The following ZNF233 variants were observed in gnomAD, a reference collection of about 807,000 sequenced individuals.
ZNF233 encodes the protein zinc finger protein 233.
A neutral mutation model predicts 11.6 loss-of-function variants in ZNF233; 7 were observed. The ratio of observed to expected loss-of-function variants is 0.60; its 90% CI spans 0.34 to 1.13. ZNF233 has a LOEUF of 1.13. ZNF233 is among the 50% of genes most tolerant of loss of function. The probability of loss-of-function intolerance (pLI) is 0.03; values close to 1 mark genes in which losing one functional copy is unlikely to be tolerated. For missense variants in ZNF233, 711 were observed against 785.5 expected (o/e 0.91, Z 1.13); for synonymous variants, 226 against 268.5 (o/e 0.84, Z 1.55).
At chr19:44,264,628 TCCA>T (rs1975018747) in intron 2 of ZNF233, among the ~76,000 whole-genome samples, 1 of 152,224 alleles carries the variant, frequency 6.6e-6, no homozygotes, top group African/African-American at 2.4e-5. Flanking sequence ...GGAGAAAACC[TCCA>T]CATTACTACA....
Position 44,274,542 on chromosome 19 carries a change from A to T in ZNF233, c.1882A>T (p.Ser628Cys), listed in dbSNP as rs781609934. Residue 628 changes from serine (S) to cysteine (C), a missense_variant, in exon 5 of 5, where the codon AGC becomes TGC. Coordinates refer to ENST00000683810, the MANE Select transcript of ZNF233 (RefSeq NM_001207005.2). ...KPYKCGMCGK[S>C]FSQTSHLQAH... is the part of the protein sequence containing the mutation. ...CTATAAATGTGGCATGTGTGGTAAG[A>T]GCTTCAGTCAGACTTCACATCTTCA... 3.1e-6 allele frequency: 5 copies of T among 1,610,158 alleles called. No individual in the cohort carries two copies. The highest frequency in any genetic ancestry group is 4.2e-6 in the Non-Finnish European group (5 of 1,178,858).
chr19:44,273,128 C>T lies in ZNF233; in HGVS notation c.468C>T (p.Asn156=), dbSNP rs780015765. 1 of 1,613,982 alleles carries T rather than the reference C, an allele frequency of 6.2e-7. No individual in the cohort carries two copies. The highest frequency in any genetic ancestry group is 1.3e-5 in the African/African-American group (1 of 75,012). Residue 156 remains asparagine (N), a synonymous_variant, in exon 5 of 5, where the codon AAC becomes AAT. Transcript: ENST00000683810. ...CTAGTCAGGTCTCTGAAGATGAGAA[C>T]TATGTAATAAAGCTACAAGGGGAGA... is the stretch of plus-strand genomic sequence containing the variant. ...GESSQVSEDE[N]YVIKLQGESS...
At position 44,273,709 on chromosome 19, in the gene ZNF233, G is replaced by T; in HGVS notation, c.1049G>T (p.Ser350Ile). ...NLYRCQVYAR[S>I]SNQNSCLPSH... is the part of the protein sequence containing the mutation. ...TACAGATGTCAGGTATATGCCCGGAGCTCCAACCAGAACTCCTGTCTTCCC... is the reference window on the plus strand; with the variant it reads ...TACAGATGTCAGGTATATGCCCGGATCTCCAACCAGAACTCCTGTCTTCCC... The change falls in exon 5 of 5, where the codon AGC (serine) becomes ATC (isoleucine). Residue 350 changes from serine (S) to isoleucine (I), a missense_variant. By Grantham distance (142) the Ser-to-Ile change is moderately radical. Transcript: ENST00000683810. 6.2e-7 allele frequency: 1 copy of T among 1,614,150 alleles called. No individual in the cohort carries two copies. Among genetic ancestry groups the T allele is most frequent in the South Asian group, 1.1e-5 (1 of 91,080 alleles).
chr19:44,263,371 G>A (rs1974986904), intron 1 of ZNF233, among the ~76,000 whole-genome samples: 1 of 151,936 alleles, frequency 6.6e-6, no homozygotes, highest in Admixed American at 6.6e-5. Context: ...TTGTCTCTAT[G>A]GTTTAGCCTA....
rs1316348408 is a variant in ZNF233 at position 44,264,322 on chromosome 19, T to C, written c.-39T>C. The C allele has an allele frequency of 1.2e-6, 2 of 1,611,844 alleles. No individual in the cohort carries two copies. The highest frequency in any genetic ancestry group is 1.7e-6 in the Non-Finnish European group (2 of 1,178,288). ...TCTTTCTCTTTTCCCAGTTCTGCCT[T>C]CCCAGGACCCTGCCCTTCCCCAGAA... On this transcript the variant is annotated 5_prime_UTR_variant, in exon 2 of 5. Coordinates refer to ENST00000683810, the MANE Select transcript of ZNF233 (RefSeq NM_001207005.2).
rs776867250 is a variant in ZNF233 at position 44,273,143 on chromosome 19, A to T, written c.483A>T (p.Leu161=). 2 of 1,613,914 alleles carry T rather than the reference A, an allele frequency of 1.2e-6. No individual in the cohort carries two copies. Among genetic ancestry groups the T allele is most frequent in the Non-Finnish European group, 1.7e-6 (2 of 1,180,032 alleles). The change falls in exon 5 of 5, where the codon CTA becomes CTT. Residue 161 remains leucine (L), a synonymous_variant. Transcript: ENST00000683810. ...AAGATGAGAACTATGTAATAAAGCT[A>T]CAAGGGGAGAGTTCAAATAGCATAA... The part of the protein sequence containing the change: ...VSEDENYVIK[L]QGESSNSIKN...
Position 44,274,851 on chromosome 19 carries a change from T to A in ZNF233, c.*178T>A, listed in dbSNP as rs1975350837. ...TTCCATTGAAGAAAACCTATTTTTG[T>A]ATGAATATGACCAGTTTCAAGCAGA... On this transcript the variant is annotated 3_prime_UTR_variant, in exon 5 of 5. Coordinates refer to ENST00000683810, the MANE Select transcript of ZNF233 (RefSeq NM_001207005.2). 3 of 583,232 alleles carry A rather than the reference T, an allele frequency of 5.1e-6. No individual in the cohort carries two copies. Among genetic ancestry groups the A allele is most frequent in the African/African-American group, 3.7e-5 (2 of 53,718 alleles). The allele number at this position is 583,232 out of a possible 1,614,324, so 36.1% of individuals were successfully genotyped here.
chr19:44,268,614 C>T (rs1487538229), intron 4 of ZNF233, among the ~76,000 whole-genome samples: 1 of 152,176 alleles, frequency 6.6e-6, no homozygotes, highest in Non-Finnish European at 1.5e-5. Flanking sequence ...ATGTCAGTAA[C>T]GTCAGTTAAT....
At position 44,274,615 on chromosome 19, in the gene ZNF233, T is replaced by C. The variant is rs761452350; in HGVS notation, c.1955T>C (p.Val652Ala). ...GGAGAGAAACCATACAAATGTTTTG[T>C]GTGTGGTAAGGGCTTTAGTAAGAGT... ...HTGEKPYKCFVCGKGFSKSSL... is the reference protein window; with the variant it reads ...HTGEKPYKCFACGKGFSKSSL... The change falls in exon 5 of 5, where the codon GTG becomes GCG. Residue 652 changes from valine to alanine, a missense_variant. Physicochemically the swap from Val to Ala is moderately conservative, Grantham distance 64. Coordinates refer to ENST00000683810, the MANE Select transcript of ZNF233 (RefSeq NM_001207005.2). The C allele has an allele frequency of 6.2e-7, 1 of 1,609,740 alleles. No individual in the cohort carries two copies.
intron 1 of ZNF233, among the ~76,000 whole-genome samples, chr19:44,261,314 G>C (rs1415088299): frequency 6.6e-6 from 1 of 151,916 alleles, no homozygotes; most frequent in Non-Finnish European, 1.5e-5. Context: ...TGTGGTCCCA[G>C]CTACTTGGGA....
In ZNF233 at chr19:44,273,062, A is replaced by G. The variant is rs752189683; in HGVS notation, c.402A>G (p.Leu134=). Reference sequence around the variant, plus strand: ...TTCAAGGCAAGAGGTCCAAGTTGCTAAAACAAGGTGATTCCCCCTGTCAGG... The same window carrying G: ...TTCAAGGCAAGAGGTCCAAGTTGCTGAAACAAGGTGATTCCCCCTGTCAGG... The part of the protein sequence containing the change: ...INLQGKRSKL[L]KQGDSPCQVW... Residue 134 remains leucine (L), a synonymous_variant, in exon 5 of 5, where the codon CTA becomes CTG. Transcript: ENST00000683810. The G allele has an allele frequency of 1.2e-6, 2 of 1,614,162 alleles. No individual in the cohort carries two copies. The highest frequency in any genetic ancestry group is 8.5e-7 in the Non-Finnish European group (1 of 1,180,016).
intron 4 of ZNF233, among the ~76,000 whole-genome samples, chr19:44,271,819 G>A (rs189571350): frequency 5.3e-4 from 81 of 151,944 alleles, no homozygotes; most frequent in Middle Eastern, 3.4e-3. Flanking sequence ...CAAAGAGGAG[G>A]GATTTTTAAG....
chr19:44,273,721 ACTC>A lies in ZNF233; in HGVS notation c.1064_1066del (p.Ser355del). The A allele has an allele frequency of 6.2e-7, 1 of 1,613,962 alleles. No homozygotes were observed. The highest frequency in any genetic ancestry group is 8.5e-7 in the Non-Finnish European group (1 of 1,179,996). On this transcript the variant is annotated inframe_deletion, in exon 5 of 5. Transcript: ENST00000683810. Reference sequence around the variant, plus strand: ...GTATATGCCCGGAGCTCCAACCAGAACTCCTGTCTTCCCTCTCATGAGCTTACT... The same window carrying A: ...GTATATGCCCGGAGCTCCAACCAGAACTGTCTTCCCTCTCATGAGCTTACT...
At position 44,271,414 on chromosome 19, in the gene ZNF233, A is replaced by G. The variant is rs1012156359; in HGVS notation, c.239-1485A>G. Among the ~76,000 whole-genome samples, 5 of 152,136 alleles carry G rather than the reference A, an allele frequency of 3.3e-5. No individual in the cohort carries two copies. In the East Asian group the frequency reaches 9.6e-4, roughly 29 times the overall value. On this transcript the variant is annotated intron_variant, in intron 4 of 4. Transcript: ENST00000683810. ...TGTAACCATTTTTGGGCTTTATCATATACAGATGCAGGTTGTACAATGTAA... is the reference window on the plus strand; with the variant it reads ...TGTAACCATTTTTGGGCTTTATCATGTACAGATGCAGGTTGTACAATGTAA...
chr19:44,269,222 CCTT>C (rs768594410), intron 4 of ZNF233, among the ~76,000 whole-genome samples: 34 of 151,296 alleles, frequency 2.2e-4, no homozygotes, highest in Non-Finnish European at 4.0e-4. Context: ...TTGCCATTGT[CCTT>C]TTTTTTTTTC....
Position 44,266,957 on chromosome 19 carries a change from T to G in ZNF233, c.234T>G (p.Cys78Trp). 6.2e-7 allele frequency: 1 copy of G among 1,613,046 alleles called. No individual in the cohort carries two copies. The highest frequency in any genetic ancestry group is 1.1e-5 in the South Asian group (1 of 91,002). ...MMETEIQGDG[C>W]SGHKNQNEID... ...AGACAGAAATCCAAGGAGATGGGTG[T>G]TCAGGTGAGAACCATGGAGCTCTGA... Residue 78 changes from cysteine (C) to tryptophan (W), a missense_variant, in exon 4 of 5, where the codon TGT becomes TGG. Transcript: ENST00000683810.
At chr19:44,272,838 A>T in intron 4 of ZNF233, 61 bp from the exon 5 acceptor site, 2 of 1,226,422 alleles carry the variant, frequency 1.6e-6, no homozygotes, top group Non-Finnish European at 2.2e-6. Context: ...ATGTTTTTTT[A>T]TTTCTGAACA....
chr19:44,274,642 CG>C lies in ZNF233; in HGVS notation c.1983del (p.Leu662CysfsTer44), dbSNP rs59660444. On this transcript the variant is annotated frameshift_variant, in exon 5 of 5. Transcript: ENST00000683810. LOFTEE classifies it low-confidence loss of function (END_TRUNC). ...FVCGKGFSKS[S>X]LSSDSSESP ...TGTGGTAAGGGCTTTAGTAAGAGTT[CG>C]TTGTCTTCAGATTCATCAGAGAGTC... 255,568 of 1,605,746 alleles carry C rather than the reference CG, an allele frequency of 0.16. 29,711 individuals are homozygous for C. Among genetic ancestry groups the C allele is most frequent in the African/African-American group, 0.59 (44,229 of 74,448 alleles).
Position 44,273,681 on chromosome 19 carries a change from C to G in ZNF233, c.1021C>G (p.Leu341Val). 2.5e-6 allele frequency: 4 copies of G among 1,614,010 alleles called. No homozygotes were observed. The highest frequency in any genetic ancestry group is 3.4e-6 in the Non-Finnish European group (4 of 1,179,988). Reference protein sequence around the residue: ...PHQRVSTGENLYRCQVYARSS... With the variant: ...PHQRVSTGENVYRCQVYARSS... ...TCAGAGAGTCAGCACAGGAGAGAACCTCTACAGATGTCAGGTATATGCCCG... is the reference window on the plus strand; with the variant it reads ...TCAGAGAGTCAGCACAGGAGAGAACGTCTACAGATGTCAGGTATATGCCCG... Residue 341 changes from leucine (L) to valine (V), a missense_variant, in exon 5 of 5, where the codon CTC (leucine) becomes GTC (valine). Leu to Val is a conservative substitution (Grantham distance 32). Coordinates refer to ENST00000683810, the MANE Select transcript of ZNF233 (RefSeq NM_001207005.2).
Sources: gnomAD v4.1 joint callset for allele counts (sites outside exome capture counted in the v4.1 genomes callset) on GRCh38, gnomAD v4.1.1 for gene constraint, MANE v1.5 for transcripts, NCBI Gene and HGNC (gene_info 2026-07-23, HGNC 2026-07-21) for gene names.